The following KPNA1 variants were observed in gnomAD, a reference collection of about 807,000 sequenced individuals.
The protein encoded by KPNA1 is importin subunit alpha-5.
Under a neutral mutation model 70.5 loss-of-function variants are expected in KPNA1, and 10 were observed. That is an observed-to-expected ratio of 0.14 (90% CI 0.09 to 0.24). KPNA1 has a LOEUF of 0.24. Among genes scored for constraint, KPNA1 ranks in the 10% least tolerant of loss-of-function variants. The pLI, the probability that KPNA1 is intolerant of heterozygous loss-of-function variation, is 1.00. For missense variants in KPNA1, 397 were observed against 637.9 expected, an observed-to-expected ratio of 0.62 and a Z score of 4.07; for synonymous variants, 192 against 221.9, an observed-to-expected ratio of 0.87 and a Z score of 1.20.
At chr3:122,429,341 C>T (rs1340966807) in intron 12 of KPNA1, among the ~76,000 whole-genome samples, 2 of 146,356 alleles carry the variant, frequency 1.4e-5, no homozygotes, top group African/African-American at 5.0e-5. Context: ...TTCCCAGCTA[C>T]TTGGGAGGCT....
chr3:122,499,132 C>G (rs951200467), intron 1 of KPNA1, among the ~76,000 whole-genome samples: 1 of 128,718 alleles, frequency 7.8e-6, no homozygotes, highest in East Asian at 2.8e-4. Context: ...CACATCATGT[C>G]GTCTACAATA....
In KPNA1 at chr3:122,464,035, C is replaced by T; in HGVS notation, c.244G>A (p.Val82Ile). The change falls in exon 4 of 14, where the codon GTC becomes ATC. Residue 82 changes from valine to isoleucine, a missense_variant. Physicochemically the swap from Val to Ile is conservative, Grantham distance 29. Transcript: ENST00000344337. ...ATTTCAATCATGTCAGAAGTGATGA[C>T]ACCACCCTGCGATCACAAACAAAAA... The part of the protein sequence containing the change: ...ISNMEMAPGG[V>I]ITSDMIEMIF... 1 of 1,564,584 alleles carries T rather than the reference C, an allele frequency of 6.4e-7. No individual in the cohort carries two copies. Among genetic ancestry groups the T allele is most frequent in the Non-Finnish European group, 8.7e-7 (1 of 1,147,636 alleles).
chr3:122,446,977 T>C (rs1295898501), intron 9 of KPNA1, among the ~76,000 whole-genome samples: 4 of 152,136 alleles, frequency 2.6e-5, no homozygotes, highest in African/African-American at 4.8e-5. Context: ...CAGGAAGAAG[T>C]TGAATCCTTG....
At chr3:122,435,492 C>T (rs1380719324) in intron 11 of KPNA1, among the ~76,000 whole-genome samples, 1 of 152,184 alleles carries the variant, frequency 6.6e-6, no homozygotes, top group African/African-American at 2.4e-5. Flanking sequence ...AAATATCTTA[C>T]TTGGAAAGCG....
At chr3:122,505,545 T>C (rs2076881530) in intron 1 of KPNA1, among the ~76,000 whole-genome samples, 1 of 152,156 alleles carries the variant, frequency 6.6e-6, no homozygotes, top group Admixed American at 6.5e-5. Flanking sequence ...TAATTAAAAA[T>C]TGTAAGTTAC....
At chr3:122,457,104 T>TTA (rs2076272772) in intron 5 of KPNA1, among the ~76,000 whole-genome samples, 1 of 118,432 alleles carries the variant, frequency 8.4e-6, no homozygotes, top group Non-Finnish European at 2.0e-5. Flanking sequence ...AAGAAGTAAC[T>TTA]GTTAAACGTA....
intron 12 of KPNA1, among the ~76,000 whole-genome samples, chr3:122,431,096 CAT>C (rs1024268314): frequency 2.0e-5 from 3 of 152,164 alleles, no homozygotes; most frequent in Admixed American, 6.5e-5. Flanking sequence ...TCATTAAGAA[CAT>C]GTGTTATATA....
Position 122,449,720 on chromosome 3 carries a change from A to G in KPNA1, c.771T>C (p.Asn257=), listed in dbSNP as rs780132651. 1.6e-5 allele frequency: 25 copies of G among 1,611,706 alleles called. No individual in the cohort carries two copies. The South Asian group carries it at 2.2e-4, about 14-fold the overall frequency. The change falls in exon 9 of 14, where the codon AAT becomes AAC. Residue 257 remains asparagine, a synonymous_variant. Transcript: ENST00000344337. ...TGACAAACAGCAACCAGGAAAGCAC[A>G]TTCAGACATGGAGAAACCTGTAAAA... ...PEFAKVSPCL[N]VLSWLLFVSD...
chr3:122,460,263 T>C (rs1045412827), intron 5 of KPNA1: 2 of 985,024 alleles, frequency 2.0e-6, no homozygotes, highest in Non-Finnish European at 2.4e-6. Context: ...AACCCAACTT[T>C]ATCCAGGGGG....
intron 1 of KPNA1, among the ~76,000 whole-genome samples, chr3:122,507,489 T>C (rs2076903775): frequency 6.6e-6 from 1 of 150,382 alleles, no homozygotes; most frequent in African/African-American, 2.4e-5. Context: ...AAAATTTGAA[T>C]ATGGAAATAT....
rs756202668 is a variant in KPNA1, at chr3:122,449,563, A to C, written c.917+11T>G. The C allele has an allele frequency of 8.7e-6, 14 of 1,601,332 alleles. No homozygotes were observed. The highest frequency in any genetic ancestry group is 1.1e-5 in the Non-Finnish European group (13 of 1,174,238). On this transcript the variant is annotated intron_variant, in intron 9 of 13. Transcript: ENST00000344337. ...AGAGAAAGTGGACACACTTTCTAAAAGATATCTTACATCAGCAGTTCCACA... is the reference window on the plus strand; with the variant it reads ...AGAGAAAGTGGACACACTTTCTAAACGATATCTTACATCAGCAGTTCCACA...
intron 9 of KPNA1, among the ~76,000 whole-genome samples, 155 bp downstream of exon 9, chr3:122,449,419 C>G (rs1011023806): frequency 6.6e-6 from 1 of 152,168 alleles, no homozygotes; most frequent in Non-Finnish European, 1.5e-5. Flanking sequence ...ACAAGACAAA[C>G]AGATCTGACA....
intron 6 of KPNA1, among the ~76,000 whole-genome samples, chr3:122,452,769 G>A (rs1041834935): frequency 6.6e-6 from 1 of 151,444 alleles, no homozygotes; most frequent in African/African-American, 2.4e-5. Context: ...GAGAGACGGA[G>A]AGAAGGAGAG....
intron 2 of KPNA1, among the ~76,000 whole-genome samples, chr3:122,475,497 A>T (rs1166723179): frequency 6.6e-6 from 1 of 152,200 alleles, no homozygotes. Flanking sequence ...AATTTTTTAA[A>T]ATCCTAAAAT....
intron 9 of KPNA1, among the ~76,000 whole-genome samples, chr3:122,444,048 C>T (rs554662005): frequency 6.6e-6 from 1 of 152,358 alleles, no homozygotes; most frequent in South Asian, 2.1e-4. Context: ...AAAAGACAGA[C>T]ACTCCCAGAG....
rs577811533 is a variant in KPNA1 at position 122,424,751 on chromosome 3, C to T, written c.*2234G>A. The T allele has an allele frequency of 4.6e-4, 70 of 152,558 alleles. No individual in the cohort carries two copies. The highest frequency in any genetic ancestry group is 7.9e-4 in the Non-Finnish European group (54 of 68,028). The allele number at this position is 152,558 out of a possible 1,614,324, so 9.5% of individuals were successfully genotyped here. A position where few individuals can be genotyped will look rare whatever the true frequency, so the allele number is the denominator to read the frequency against. On this transcript the variant is annotated 3_prime_UTR_variant, in exon 14 of 14. Transcript: ENST00000344337. ...TATTTTAACTATCCAATGGAAGGTA[C>T]ATAATTTAAAACATCCTATAGAAAT... is the stretch of plus-strand genomic sequence containing the variant.
At chr3:122,495,856 CTT>C (rs1351531602) in intron 2 of KPNA1, among the ~76,000 whole-genome samples, 1 of 150,516 alleles carries the variant, frequency 6.6e-6, no homozygotes, top group Non-Finnish European at 1.5e-5. Flanking sequence ...TTCTAAATGT[CTT>C]TATGAATAAT....
At chr3:122,510,888 T>C (rs2076947805) in intron 1 of KPNA1, among the ~76,000 whole-genome samples, 2 of 152,248 alleles carry the variant, frequency 1.3e-5, no homozygotes, top group East Asian at 3.9e-4. Flanking sequence ...ACTTGAACAA[T>C]CTCACGACGG....
At chr3:122,482,458 G>C (rs1257553120) in intron 2 of KPNA1, among the ~76,000 whole-genome samples, 1 of 152,092 alleles carries the variant, frequency 6.6e-6, no homozygotes, top group Non-Finnish European at 1.5e-5. Context: ...AGATAGGTCT[G>C]TTTTTATTAT....
Sources: allele counts gnomAD v4.1 joint callset (sites outside exome capture counted in the v4.1 genomes callset), GRCh38; gene constraint gnomAD v4.1.1; transcripts MANE v1.5; gene names NCBI Gene and HGNC (gene_info 2026-07-23, HGNC 2026-07-21).